Variants in CDK12 observed in about 807,000 individuals in gnomAD.
CDK12 encodes cyclin-dependent kinase 12.
A neutral mutation model predicts 133.8 loss-of-function variants in CDK12; 17 were observed. The ratio of observed to expected loss-of-function variants is 0.13; its 90% CI spans 0.09 to 0.19. The LOEUF is 0.19. Ranked by LOEUF, CDK12 falls within the 10% of genes least tolerant of loss-of-function variation. The pLI is 1.00. For missense variants in CDK12, 1,508 were observed against 1,818.7 expected (o/e 0.83, Z 3.11); for synonymous variants, 694 against 683.6 (o/e 1.02, Z -0.24).
intron 5 of CDK12, among the ~76,000 whole-genome samples, chr17:39,495,794 C>CAAA (rs372235295): frequency 0.01 from 752 of 74,584 alleles, 9 homozygotes; most frequent in African/African-American, 0.037. Flanking sequence ...GACTCCGCCT[C>CAAA]AAAAAAAAAA....
chr17:39,485,244 G>A (rs575000420), intron 2 of CDK12, among the ~76,000 whole-genome samples: 28 of 151,044 alleles, frequency 1.9e-4, no homozygotes, highest in Non-Finnish European at 3.2e-4. Context: ...ATCTGTATTA[G>A]TACTTTATTT....
At position 39,485,215 on chromosome 17, in the gene CDK12, G is replaced by A. The variant is rs368604034; in HGVS notation, c.1932-5342G>A. Among the ~76,000 whole-genome samples, 112 of 151,148 alleles carry A rather than the reference G, an allele frequency of 7.4e-4. 1 individual carries two copies. Among genetic ancestry groups the A allele is most frequent in the African/African-American group, 2.6e-3 (109 of 41,256 alleles). ...TTCAGACACTCTGGTTTGAGGCATT[G>A]TGGATAAGAGAGTACCTAATCTGTA... On this transcript the variant is annotated intron_variant, in intron 2 of 13. Transcript: ENST00000447079.
intron 2 of CDK12, among the ~76,000 whole-genome samples, chr17:39,481,797 T>G (rs1290568406): frequency 6.6e-6 from 1 of 151,148 alleles, no homozygotes; most frequent in Non-Finnish European, 1.5e-5. Flanking sequence ...CTCGGCACAC[T>G]GCAACCTCCG....
chr17:39,561,920 A>G (rs2056387760), intron 3 of CDK12, among the ~76,000 whole-genome samples: 1 of 152,100 alleles, frequency 6.6e-6, no homozygotes, highest in Admixed American at 6.5e-5. Flanking sequence ...TAGACCTGGA[A>G]TGGGGACTAT....
chr17:39,500,985 C>G (rs1192999296), intron 5 of CDK12, among the ~76,000 whole-genome samples: 1 of 152,148 alleles, frequency 6.6e-6, no homozygotes, highest in East Asian at 1.9e-4. Flanking sequence ...ACCCGCCCTC[C>G]TCGGCCTCCC....
chr17:39,484,177 G>C (rs889698026), intron 2 of CDK12, among the ~76,000 whole-genome samples: 2 of 152,054 alleles, frequency 1.3e-5, no homozygotes, highest in African/African-American at 2.4e-5. Flanking sequence ...ATTTTTATTA[G>C]AAGTGTTTCC....
upstream of CDK12, among the ~76,000 whole-genome samples, chr17:39,543,135 G>T (rs572674943): frequency 2.9e-4 from 44 of 152,286 alleles, no homozygotes; most frequent in South Asian, 5.8e-3. Flanking sequence ...TAGATGAGAT[G>T]ATAGAACTCA....
intron 2 of CDK12, among the ~76,000 whole-genome samples, chr17:39,483,923 A>T (rs1375942658): frequency 1.3e-5 from 2 of 151,500 alleles, no homozygotes; most frequent in Non-Finnish European, 2.9e-5. Flanking sequence ...GGCTCACTGC[A>T]ACTGCTGCCT....
Position 39,476,711 on chromosome 17 carries a change from C to CATTTTTTTTTTTTTTTTTTTTTTTTTTT in CDK12, c.1931+4948_1931+4949insATTTTTTTTTTTTTTTTTTTTTTTTTTT, listed in dbSNP as rs1555553398. 1.9e-4 allele frequency among the ~76,000 whole-genome samples: 16 copies of CATTTTTTTTTTTTTTTTTTTTTTTTTTT among 84,530 alleles called. 7 individuals are homozygous for CATTTTTTTTTTTTTTTTTTTTTTTTTTT. Among genetic ancestry groups the CATTTTTTTTTTTTTTTTTTTTTTTTTTT allele is most frequent in the Admixed American group, 3.3e-4 (2 of 6,120 alleles). 55.5% of individuals were successfully genotyped at this position (84,530 alleles called of 152,430 possible). A position where few individuals can be genotyped will look rare whatever the true frequency, so the allele number is the denominator to read the frequency against. On this transcript the variant is annotated intron_variant, in intron 2 of 13. Transcript: ENST00000447079. ...TACAGGCATGAGCCACCATGCCTGC[C>CATTTTTTTTTTTTTTTTTTTTTTTTTTT]TTTTTTTTTTTTTTTTTTTTTTTTT...
chr17:39,520,387 G>A (rs576489839), intron 11 of CDK12, among the ~76,000 whole-genome samples: 45 of 151,958 alleles, frequency 3.0e-4, no homozygotes, highest in Admixed American at 2.6e-3. Context: ...GATTTTTGTG[G>A]GTTGGTTTAT....
chr17:39,518,621 C>A (rs1033708025), intron 10 of CDK12, among the ~76,000 whole-genome samples: 1 of 151,744 alleles, frequency 6.6e-6, no homozygotes, highest in South Asian at 2.1e-4. Flanking sequence ...TGCAGTGACG[C>A]GATCTTGGCT....
rs71843922 is a variant in CDK12 at position 39,532,102 on chromosome 17, T to TTCTCTCTCTCTC, written c.*816_*827dup. 166 of 218,602 alleles carry TTCTCTCTCTCTC rather than the reference T, an allele frequency of 7.6e-4. 1 individual carries two copies. The highest frequency in any genetic ancestry group is 3.3e-3 in the African/African-American group (127 of 38,508). 13.5% of individuals were successfully genotyped at this position (218,602 alleles called of 1,614,324 possible). A position where few individuals can be genotyped will look rare whatever the true frequency, so the allele number is the denominator to read the frequency against. ...GCTGATGTGTGCTCTCTCTCTCTCT[T>TTCTCTCTCTCTC]TCTCTCTCTCTCTCTCTCTCTCTCT... is the stretch of plus-strand genomic sequence containing the variant. On this transcript the variant is annotated 3_prime_UTR_variant, in exon 14 of 14. Coordinates refer to ENST00000447079, the MANE Select transcript of CDK12 (RefSeq NM_016507.4).
intron 6 of CDK12, among the ~76,000 whole-genome samples, chr17:39,504,946 G>A (rs914017690): frequency 3.4e-5 from 5 of 148,522 alleles, no homozygotes; most frequent in Non-Finnish European, 5.9e-5. Context: ...TTGAAGATTT[G>A]GGGGCCAGGC....
chr17:39,559,915 T>C (rs1567823979), intron 3 of CDK12, among the ~76,000 whole-genome samples: 1 of 150,318 alleles, frequency 6.7e-6, no homozygotes, highest in Non-Finnish European at 1.5e-5. Flanking sequence ...CTTAGTTTCC[T>C]AAGTGGCTGA....
rs71843922 is a variant in CDK12 at position 39,532,102 on chromosome 17, TTCTCTCTCTCTCTCTC to T, written c.*812_*827del. 8.2e-5 allele frequency: 18 copies of T among 218,546 alleles called. No individual in the cohort carries two copies. The highest frequency in any genetic ancestry group is 3.9e-4 in the South Asian group (2 of 5,134). The allele number at this position is 218,546 out of a possible 1,614,324, so 13.5% of individuals were successfully genotyped here. On this transcript the variant is annotated 3_prime_UTR_variant, in exon 14 of 14. Transcript: ENST00000447079. ...GCTGATGTGTGCTCTCTCTCTCTCT[TTCTCTCTCTCTCTCTC>T]TCTCTCTCTCTCTCTCTCTCTCTCT...
In CDK12 at chr17:39,531,943, A is replaced by G. The variant is rs1329891967; in HGVS notation, c.*627A>G. On this transcript the variant is annotated 3_prime_UTR_variant, in exon 14 of 14. Coordinates refer to ENST00000447079, the MANE Select transcript of CDK12 (RefSeq NM_016507.4). ...AGCATCTTGAACATACTTTTTTTCC[A>G]AATAAATTACTCATCCTTAAAGTTT... 1 of 233,666 alleles carries G rather than the reference A, an allele frequency of 4.3e-6. No individual in the cohort carries two copies. Among genetic ancestry groups the G allele is most frequent in the Admixed American group, 5.6e-5 (1 of 17,772 alleles). 14.5% of individuals were successfully genotyped at this position (233,666 alleles called of 1,614,324 possible).
At chr17:39,509,886 A>T (rs2053373033) in intron 7 of CDK12, 125 bp downstream of exon 7, 1 of 722,786 alleles carries the variant, frequency 1.4e-6, no homozygotes, top group Admixed American at 2.1e-5. Flanking sequence ...CTGCAGCCTC[A>T]ACCTCTGTGG....
At chr17:39,535,553 T>C (rs1311574880), downstream of CDK12, among the ~76,000 whole-genome samples, 1 of 152,166 alleles carries the variant, frequency 6.6e-6, no homozygotes, top group African/African-American at 2.4e-5. Flanking sequence ...AAAATACTGT[T>C]TTCACTTCAT....
intron 1 of CDK12, among the ~76,000 whole-genome samples, chr17:39,541,362 CTTTT>C (rs201866427): frequency 5.2e-4 from 72 of 137,214 alleles, no homozygotes; most frequent in Middle Eastern, 3.8e-3. Flanking sequence ...GAGTTTGGCT[CTTTT>C]TTTTTTTTTT....
Sources: allele counts gnomAD v4.1 joint callset (sites outside exome capture counted in the v4.1 genomes callset), GRCh38; gene constraint gnomAD v4.1.1; transcripts MANE v1.5; gene names NCBI Gene and HGNC (gene_info 2026-07-23, HGNC 2026-07-21).